Variants in INTS15 observed in about 807,000 individuals in gnomAD.
INTS15 encodes the protein uncharacterized protein C7orf26.
At chr7:6,591,864 T>G in the INTS15 span, 1 of 1,613,686 alleles carries the variant, frequency 6.2e-7, no homozygotes, top group Non-Finnish European at 8.5e-7. Flanking sequence ...CCTCCTGGCT[T>G]CAGGTACTGC....
the INTS15 span, chr7:6,591,701 A>G: frequency 8.1e-6 from 13 of 1,614,176 alleles, no homozygotes; most frequent in South Asian, 1.1e-5. Flanking sequence ...AATTATTTCC[A>G]GGAGCAAACC....
the INTS15 span, among the ~76,000 whole-genome samples, chr7:6,600,537 C>T: frequency 2.0e-5 from 3 of 152,170 alleles, no homozygotes; most frequent in Admixed American, 6.5e-5. Flanking sequence ...CTGCTCACCC[C>T]GTCAGGGTCC....
chr7:6,600,401 C>T, the INTS15 span: 25 of 1,552,612 alleles, frequency 1.6e-5, no homozygotes, highest in South Asian at 7.0e-5. Context: ...GGGACACCGC[C>T]GCCCTGCAGA....
At chr7:6,595,859 C>G in the INTS15 span, among the ~76,000 whole-genome samples, 2 of 152,064 alleles carry the variant, frequency 1.3e-5, no homozygotes, top group African/African-American at 4.8e-5. Context: ...ACAAAACCTG[C>G]TTTTCTGCTG....
the INTS15 span, chr7:6,602,134 A>T: frequency 6.2e-7 from 1 of 1,613,050 alleles, no homozygotes; most frequent in Non-Finnish European, 8.5e-7. Context: ...AGGCTGCCCC[A>T]TAATAAGTAA....
the INTS15 span, chr7:6,590,196 G>A: frequency 1.6e-6 from 2 of 1,229,794 alleles, no homozygotes; most frequent in South Asian, 1.8e-5. Context: ...CCCGGGTCGC[G>A]CCTCTTTGTT....
chr7:6,607,906 A>G, the INTS15 span: 1 of 1,590,474 alleles, frequency 6.3e-7, no homozygotes, highest in Non-Finnish European at 8.5e-7. This position sits in a 1 kb window ranked among gnomAD's most constrained non-coding sequence, Gnocchi z 6.0. Flanking sequence ...TACCGTGCGC[A>G]CCTGCGGAGT....
the INTS15 span, among the ~76,000 whole-genome samples, chr7:6,601,361 T>C: frequency 6.6e-6 from 1 of 152,086 alleles, no homozygotes; most frequent in Non-Finnish European, 1.5e-5. Context: ...AGTGGTGCGA[T>C]CTCGGCTCAT....
At chr7:6,594,678 G>T in the INTS15 span, 1 of 1,371,062 alleles carries the variant, frequency 7.3e-7, no homozygotes. Flanking sequence ...ATACCCAGGT[G>T]AAGTGTCCAG....
chr7:6,590,552 G>A, the INTS15 span: 39 of 1,412,658 alleles, frequency 2.8e-5, no homozygotes, highest in Non-Finnish European at 3.3e-5. Context: ...GCAGGGCTGT[G>A]TCAAGCCGCG....
At chr7:6,608,492 G>T in the INTS15 span, 1 of 1,213,238 alleles carries the variant, frequency 8.2e-7, no homozygotes, top group Non-Finnish European at 1.0e-6. Flanking sequence ...ACGGGTGCAA[G>T]CCCGTGTGTC....
the INTS15 span, among the ~76,000 whole-genome samples, chr7:6,607,260 G>A: frequency 6.6e-6 from 1 of 152,142 alleles, no homozygotes; most frequent in Non-Finnish European, 1.5e-5. This position sits in a 1 kb window ranked among gnomAD's most constrained non-coding sequence, Gnocchi z 6.0. Flanking sequence ...AGTGCGGGCC[G>A]TGGTTGTGCT....
chr7:6,590,939 A>ATTAC, the INTS15 span, among the ~76,000 whole-genome samples: 6 of 151,836 alleles, frequency 4.0e-5, no homozygotes, highest in African/African-American at 1.5e-4. Flanking sequence ...CCTGGGCTCA[A>ATTAC]GTAATCCTCC....
At chr7:6,590,346 G>T in the INTS15 span, 3 of 1,604,294 alleles carry the variant, frequency 1.9e-6, no homozygotes. Context: ...AGGAGGTGTT[G>T]TACCACCTGG....
the INTS15 span, chr7:6,600,374 C>T: frequency 4.4e-6 from 7 of 1,599,576 alleles, no homozygotes; most frequent in African/African-American, 9.4e-5. Context: ...CCTCCCTGGC[C>T]CAGGCCTCCT....
chr7:6,590,615 AG>A, the INTS15 span: 1 of 1,391,122 alleles, frequency 7.2e-7, no homozygotes, highest in Non-Finnish European at 9.3e-7. Context: ...CTCCTGCAGC[AG>A]CCCCCAAACC....
At chr7:6,596,212 T>C in the INTS15 span, among the ~76,000 whole-genome samples, 1 of 151,470 alleles carries the variant, frequency 6.6e-6, no homozygotes, top group Non-Finnish European at 1.5e-5. Context: ...CGCACCACCA[T>C]GTCTGACTAA....
chr7:6,602,140 AG>A, the INTS15 span: 1 of 1,613,058 alleles, frequency 6.2e-7, no homozygotes, highest in Non-Finnish European at 8.5e-7. Context: ...CCCCATAATA[AG>A]TAAGTATCCT....
the INTS15 span, among the ~76,000 whole-genome samples, chr7:6,595,915 A>AG: frequency 1.3e-5 from 2 of 152,106 alleles, no homozygotes; most frequent in African/African-American, 4.8e-5. Context: ...TGCTGCTCAC[A>AG]GGGCTGACAA....
Sources: allele counts gnomAD v4.1 joint callset (sites outside exome capture counted in the v4.1 genomes callset), GRCh38; gene constraint gnomAD v4.1.1; non-coding constraint Gnocchi (gnomAD v3.1); transcripts MANE v1.5; gene names NCBI Gene and HGNC (gene_info 2026-07-23, HGNC 2026-07-21).